Variants in FHIT observed in about 807,000 individuals in gnomAD.
FHIT encodes the protein bis(5'-adenosyl)-triphosphatase.
Under a neutral mutation model 17.9 loss-of-function variants are expected in FHIT, and 19 were observed. That is an observed-to-expected ratio of 1.06 (90% confidence interval 0.74 to 1.56). FHIT has a LOEUF of 1.56. FHIT is among the 40% of genes most tolerant of loss of function. The pLI, the probability that FHIT is intolerant of heterozygous loss-of-function variation, is 0.00. For synonymous variants in FHIT, 81 were observed against 69.7 expected (o/e 1.16, Z -0.81); for missense variants, 248 against 189.2 (o/e 1.31, Z -1.82).
At chr3:59,933,083 A>G (rs1380759584) in intron 7 of FHIT, among the ~76,000 whole-genome samples, 1 of 152,108 alleles carries the variant, frequency 6.6e-6, no homozygotes, top group Non-Finnish European at 1.5e-5. Context: ...TAAGTTAACT[A>G]TATAATCTGG....
Position 60,475,894 on chromosome 3 carries a change from G to A in FHIT, c.103+60966C>T, listed in dbSNP as rs114823251. On this transcript the variant is annotated intron_variant, in intron 5 of 9. Coordinates refer to ENST00000492590, the MANE Select transcript of FHIT (RefSeq NM_002012.4). Reference sequence around the variant, plus strand: ...AAAGGCCCTTCCAGTCCCCTTCAGCGTATCTTTTCCACTCATGCCCAGATT... The same window carrying A: ...AAAGGCCCTTCCAGTCCCCTTCAGCATATCTTTTCCACTCATGCCCAGATT... Among the ~76,000 whole-genome samples, 578 of 152,008 alleles carry A rather than the reference G, an allele frequency of 3.8e-3. 7 individuals are homozygous for A. Among genetic ancestry groups the A allele is most frequent in the African/African-American group, 0.013 (527 of 41,482 alleles).
At chr3:59,916,581 C>T (rs984102539) in intron 8 of FHIT, among the ~76,000 whole-genome samples, 2 of 152,088 alleles carry the variant, frequency 1.3e-5, no homozygotes, top group African/African-American at 4.8e-5. Context: ...TAACTTTTAA[C>T]CAGATAAATG....
At chr3:59,786,903 T>C (rs1241090892) in intron 8 of FHIT, among the ~76,000 whole-genome samples, 1 of 152,218 alleles carries the variant, frequency 6.6e-6, no homozygotes, top group Non-Finnish European at 1.5e-5. Flanking sequence ...TGTGAGGGTG[T>C]GGAGGTCATT....
At chr3:60,720,114 A>G (rs1255472001) in intron 4 of FHIT, among the ~76,000 whole-genome samples, 5 of 152,074 alleles carry the variant, frequency 3.3e-5, no homozygotes, top group African/African-American at 1.2e-4. Flanking sequence ...ATGATGCTCC[A>G]CCTGGTTTCC....
At chr3:61,023,289 A>G (rs1255627530) in intron 3 of FHIT, among the ~76,000 whole-genome samples, 1 of 152,206 alleles carries the variant, frequency 6.6e-6, no homozygotes, top group Non-Finnish European at 1.5e-5. Context: ...CTTACAAGGG[A>G]TGTGAAGGAC....
intron 4 of FHIT, among the ~76,000 whole-genome samples, chr3:60,702,371 T>G (rs1401316740): frequency 1.3e-5 from 2 of 152,146 alleles, no homozygotes; most frequent in African/African-American, 4.8e-5. Flanking sequence ...TTTATAGGAA[T>G]GAATGACATT....
At chr3:60,110,385 C>T (rs144732601) in intron 5 of FHIT, among the ~76,000 whole-genome samples, 4 of 152,246 alleles carry the variant, frequency 2.6e-5, no homozygotes, top group East Asian at 3.9e-4. Flanking sequence ...CCACATTCCT[C>T]GCAACATTTA....
intron 3 of FHIT, among the ~76,000 whole-genome samples, chr3:60,882,042 C>T (rs968023242): frequency 6.6e-6 from 1 of 151,692 alleles, no homozygotes; most frequent in East Asian, 1.9e-4. Flanking sequence ...AAATTAGAAA[C>T]AAAAAGAGAG....
intron 4 of FHIT, among the ~76,000 whole-genome samples, chr3:60,600,258 C>A (rs181956309): frequency 1.1e-3 from 175 of 152,230 alleles, no homozygotes; most frequent in Admixed American, 0.01. Flanking sequence ...CTCTCCCAAA[C>A]CTCTTTTTTC....
rs562173154 is a variant in FHIT at position 61,233,288 on chromosome 3, T to C, written c.-213+18013A>G. Among the ~76,000 whole-genome samples, 10 of 149,634 alleles carry C rather than the reference T, an allele frequency of 6.7e-5. No individual in the cohort carries two copies. In the Admixed American group the frequency reaches 7.0e-4, roughly 10 times the overall value. On this transcript the variant is annotated intron_variant, in intron 1 of 9. Coordinates refer to ENST00000492590, the MANE Select transcript of FHIT (RefSeq NM_002012.4). ...TTCACTGCAGAATTATTTATCATAGTTAAGAAAATTTTTTTAATCTACATG... is the reference window on the plus strand; with the variant it reads ...TTCACTGCAGAATTATTTATCATAGCTAAGAAAATTTTTTTAATCTACATG...
chr3:60,896,020 C>G (rs1380533388), intron 3 of FHIT, among the ~76,000 whole-genome samples: 1 of 151,886 alleles, frequency 6.6e-6, no homozygotes, highest in East Asian at 1.9e-4. Flanking sequence ...GGCAGGGGAA[C>G]CTAACTGCCT....
intron 4 of FHIT, among the ~76,000 whole-genome samples, chr3:60,721,996 A>G (rs2041818885): frequency 6.6e-6 from 1 of 152,178 alleles, no homozygotes; most frequent in South Asian, 2.1e-4. Flanking sequence ...CAAAATTCAC[A>G]TTAGCTTCCA....
intron 4 of FHIT, among the ~76,000 whole-genome samples, chr3:60,574,253 C>CT (rs2037489528): frequency 6.6e-6 from 1 of 152,068 alleles, no homozygotes; most frequent in Admixed American, 6.5e-5. Context: ...TTCTTTCTCA[C>CT]TTTCTGCCTT....
intron 8 of FHIT, among the ~76,000 whole-genome samples, chr3:59,810,570 C>G (rs1700374949): frequency 3.3e-5 from 5 of 152,166 alleles, no homozygotes; most frequent in Admixed American, 3.3e-4. Flanking sequence ...CTGGGGCACT[C>G]AGAGTTGACA....
chr3:60,278,856 C>T (rs1349144423), intron 5 of FHIT, among the ~76,000 whole-genome samples: 1 of 151,854 alleles, frequency 6.6e-6, no homozygotes, highest in East Asian at 1.9e-4. Context: ...GAAAATAGAG[C>T]TTAGCAAAAT....
chr3:60,535,584 C>A (rs1288448347), intron 5 of FHIT, among the ~76,000 whole-genome samples: 10 of 140,290 alleles, frequency 7.1e-5, no homozygotes, highest in South Asian at 2.3e-4. Flanking sequence ...CTAAATCATT[C>A]TAGTGTTTTT....
At chr3:60,633,632 T>G (rs993649997) in intron 4 of FHIT, among the ~76,000 whole-genome samples, 1 of 152,004 alleles carries the variant, frequency 6.6e-6, no homozygotes, top group African/African-American at 2.4e-5. Context: ...GCGATGACTG[T>G]GTCTGTCATC....
intron 3 of FHIT, among the ~76,000 whole-genome samples, chr3:60,999,331 C>T (rs750006518): frequency 1.3e-5 from 2 of 151,922 alleles, no homozygotes; most frequent in Admixed American, 6.6e-5. Flanking sequence ...GGTGATGGCT[C>T]TTCATAAAAA....
intron 5 of FHIT, among the ~76,000 whole-genome samples, chr3:60,399,495 ACT>A (rs1174098432): frequency 3.9e-5 from 6 of 151,934 alleles, no homozygotes; most frequent in Admixed American, 3.9e-4. Context: ...TCTGACTCAC[ACT>A]CTATTTTGGA....
Sources: allele counts gnomAD v4.1 joint callset (sites outside exome capture counted in the v4.1 genomes callset), GRCh38; gene constraint gnomAD v4.1.1; transcripts MANE v1.5; gene names NCBI Gene and HGNC (gene_info 2026-07-23, HGNC 2026-07-21).